HMGCL: variants seen among roughly 807,000 people sequenced by gnomAD.
HMGCL encodes the protein 3-hydroxy-3-methylglutaryl-CoA lyase.
In HMGCL, 26 loss-of-function variants were observed where a neutral mutation model predicts 37.3. That is an observed-to-expected ratio of 0.70 (90% CI 0.51 to 0.97). HMGCL has a LOEUF of 0.97. Among genes scored for constraint, HMGCL ranks in the 50% least tolerant of loss-of-function variants. The pLI, the probability that HMGCL is intolerant of heterozygous loss-of-function variation, is 0.00. For synonymous variants in HMGCL, 151 were observed against 148.0 expected, an observed-to-expected ratio of 1.02 and a Z score of -0.15; for missense variants, 379 against 398.1, an observed-to-expected ratio of 0.95 and a Z score of 0.41.
At position 23,806,959 on chromosome 1, in the gene HMGCL, C is replaced by G. The variant is rs938670990; in HGVS notation, c.750+1176G>C. On this transcript the variant is annotated intron_variant, in intron 7 of 8. Transcript: ENST00000374490. The surrounding 1 kb of genome is among the most constrained non-coding windows in gnomAD (Gnocchi z 4.0). Reference sequence around the variant, plus strand: ...TAAGTCAGCACTTAACCTGGCACATCGATCCATATTTCCGAAGTAACTGAT... The same window carrying G: ...TAAGTCAGCACTTAACCTGGCACATGGATCCATATTTCCGAAGTAACTGAT... The G allele has an allele frequency of 5.8e-6, 3 of 518,686 alleles. No homozygotes were observed. The highest frequency in any genetic ancestry group is 3.9e-5 in the African/African-American group (2 of 51,938). 32.1% of individuals were successfully genotyped at this position (518,686 alleles called of 1,614,324 possible).
intron 4 of HMGCL, among the ~76,000 whole-genome samples, chr1:23,816,042 C>T (rs1638607261): frequency 6.6e-6 from 1 of 151,728 alleles, no homozygotes; most frequent in African/African-American, 2.4e-5. Flanking sequence ...CTCAGTCTCC[C>T]GAGTAGCTAG....
intron 5 of HMGCL, among the ~76,000 whole-genome samples, chr1:23,813,079 G>T (rs540355948): frequency 6.6e-6 from 1 of 151,924 alleles, no homozygotes; most frequent in East Asian, 1.9e-4. Context: ...TAGTAGAGAT[G>T]GGGTTTCCCC....
chr1:23,818,468 A>G (rs1381475147), intron 2 of HMGCL, among the ~76,000 whole-genome samples: 1 of 151,904 alleles, frequency 6.6e-6, no homozygotes, highest in Non-Finnish European at 1.5e-5. Flanking sequence ...GAACACACAA[A>G]AATACTCCAG....
intron 1 of HMGCL, among the ~76,000 whole-genome samples, chr1:23,823,346 A>ATATTTATTTATT (rs57499593): frequency 4.4e-4 from 65 of 147,940 alleles, no homozygotes; most frequent in African/African-American, 1.6e-3. Flanking sequence ...AGCCATTTAC[A>ATATTTATTTATT]TATTTATTTA....
chr1:23,822,829 G>A (rs1638744555), intron 1 of HMGCL, among the ~76,000 whole-genome samples: 1 of 152,146 alleles, frequency 6.6e-6, no homozygotes, highest in Non-Finnish European at 1.5e-5. Context: ...CTAAGGCCCT[G>A]GGACATAATA....
chr1:23,807,095 GCA>G, intron 7 of HMGCL: 1 of 519,032 alleles, frequency 1.9e-6, no homozygotes, highest in East Asian at 5.4e-5. Context: ...AAACAGAGAA[GCA>G]CAGAGGAGCA....
At chr1:23,815,080 G>A (rs978715714) in intron 4 of HMGCL, among the ~76,000 whole-genome samples, 16 of 151,962 alleles carry the variant, frequency 1.1e-4, no homozygotes, top group African/African-American at 3.4e-4. Flanking sequence ...GGTGGCACAC[G>A]CCTGTAGTCC....
Position 23,819,358 on chromosome 1 carries a change from G to A in HMGCL, c.144+1152C>T, listed in dbSNP as rs187909238. On this transcript the variant is annotated intron_variant, in intron 2 of 8. Coordinates refer to ENST00000374490, the MANE Select transcript of HMGCL (RefSeq NM_000191.3). Reference sequence around the variant, plus strand: ...CAGAATATTTCCATCTTCACAGAAAGTGCTGGTCTAGGTCCTAGTCTAGAT... The same window carrying A: ...CAGAATATTTCCATCTTCACAGAAAATGCTGGTCTAGGTCCTAGTCTAGAT... 2.6e-3 allele frequency among the ~76,000 whole-genome samples: 398 copies of A among 152,300 alleles called. 2 individuals are homozygous for A. The highest frequency in any genetic ancestry group is 6.2e-3 in the South Asian group (30 of 4,834).
In HMGCL at chr1:23,804,501, A is replaced by T; in HGVS notation, c.775T>A (p.Ser259Thr). The T allele has an allele frequency of 6.2e-7, 1 of 1,614,138 alleles. No homozygotes were observed. The highest frequency in any genetic ancestry group is 8.5e-7 in the Non-Finnish European group (1 of 1,180,002). Residue 259 changes from serine to threonine, a missense_variant, in exon 8 of 9, where the codon TCT (serine) becomes ACT (threonine). Physicochemically the swap from Ser to Thr is moderately conservative, Grantham distance 58. Transcript: ENST00000374490. Reference sequence around the variant, plus strand: ...GGACAGCCTCCAAGTCCTGCCACAGAAGAGTCCACGACACTCACTCCCATC... The same window carrying T: ...GGACAGCCTCCAAGTCCTGCCACAGTAGAGTCCACGACACTCACTCCCATC... ...LQMGVSVVDS[S>T]VAGLGGCPYA...
chr1:23,821,607 T>TGTC (rs1163845132), intron 1 of HMGCL, among the ~76,000 whole-genome samples: 4 of 151,978 alleles, frequency 2.6e-5, no homozygotes, highest in Admixed American at 6.6e-5. Context: ...TGCAGTGAGC[T>TGTC]ATGACTGTGC....
At chr1:23,812,148 T>A (rs940566712) in intron 5 of HMGCL, among the ~76,000 whole-genome samples, 1 of 151,888 alleles carries the variant, frequency 6.6e-6, no homozygotes, top group South Asian at 2.1e-4. Flanking sequence ...TTTGCCCTCA[T>A]GGAGTGCACG....
At position 23,804,329 on chromosome 1, in the gene HMGCL, C is replaced by T. The variant is rs1182631880; in HGVS notation, c.876+71G>A. 3 of 1,590,184 alleles carry T rather than the reference C, an allele frequency of 1.9e-6. No individual in the cohort carries two copies. In the African/African-American group the frequency reaches 4.0e-5, roughly 21 times the overall value. ...CTTAACAACCCCAAATACCCCCATC[C>T]ACTTTTGTTCTCAGCTTCAGGCCCC... is the stretch of plus-strand genomic sequence containing the variant. On this transcript the variant is annotated intron_variant, in intron 8 of 8. Transcript: ENST00000374490.
intron 6 of HMGCL, chr1:23,810,283 C>A: frequency 5.1e-6 from 1 of 197,482 alleles, no homozygotes; most frequent in Non-Finnish European, 1.1e-5. Flanking sequence ...AATAATAATA[C>A]CAAATTTGCA....
chr1:23,809,348 C>T (rs968656464), intron 6 of HMGCL: 3 of 150,670 alleles, frequency 2.0e-5, no homozygotes, highest in Non-Finnish European at 4.4e-5. Context: ...ACGCCATTCT[C>T]CTTTCTCAGC....
At chr1:23,825,273 G>C (rs1638795576) in intron 1 of HMGCL, 83 bp downstream of exon 1, 9 of 1,151,334 alleles carry the variant, frequency 7.8e-6, no homozygotes, top group Non-Finnish European at 1.0e-5. Context: ...GCCTCTAAGA[G>C]AGCAGTCACC....
In HMGCL at chr1:23,819,959, T is replaced by C. The variant is rs180806801; in HGVS notation, c.144+551A>G. 2.4e-3 allele frequency among the ~76,000 whole-genome samples: 358 copies of C among 152,270 alleles called. 7 individuals carry two copies. Among genetic ancestry groups the C allele is most frequent in the Admixed American group, 0.02 (313 of 15,282 alleles). On this transcript the variant is annotated intron_variant, in intron 2 of 8. Transcript: ENST00000374490. ...ATTTCATTTTATAAAAAGTCCATAG[T>C]GTATCTGACCCAACTTTCCTCATAC...
chr1:23,822,929 A>G (rs1466330800), intron 1 of HMGCL, among the ~76,000 whole-genome samples: 1 of 152,156 alleles, frequency 6.6e-6, no homozygotes, highest in Non-Finnish European at 1.5e-5. Flanking sequence ...TAATCCCAGC[A>G]CTTTGGGAGG....
intron 8 of HMGCL, 108 bp from the exon 9 acceptor site, chr1:23,802,672 T>TA: frequency 1.3e-6 from 1 of 798,674 alleles, no homozygotes; most frequent in Non-Finnish European, 2.2e-6. Flanking sequence ...AAGGTGAAGA[T>TA]AAACAGGCTT....
chr1:23,807,825 G>GC (rs965119091), intron 7 of HMGCL, among the ~76,000 whole-genome samples: 3 of 152,090 alleles, frequency 2.0e-5, no homozygotes, highest in Admixed American at 6.6e-5. Context: ...CTTCACTGAG[G>GC]CCTCTTTTGC....
Sources: gnomAD v4.1 joint callset for allele counts (sites outside exome capture counted in the v4.1 genomes callset) on GRCh38, gnomAD v4.1.1 for gene constraint, Gnocchi (gnomAD v3.1) non-coding constraint, MANE v1.5 for transcripts, NCBI Gene and HGNC (gene_info 2026-07-23, HGNC 2026-07-21) for gene names.